Variants in AMPH observed in about 807,000 individuals in gnomAD.
AMPH encodes the protein amphiphysin (Stiff-Mann syndrome with breast cancer 128kD autoantigen).
AMPH carries 49 observed loss-of-function variants against 99.1 expected under a neutral mutation model. The observed-to-expected ratio is 0.49, with a 90% confidence interval of 0.39 to 0.63. AMPH has a LOEUF of 0.63. AMPH is among the 20% of genes least tolerant of loss of function. The pLI is 0.00. For synonymous variants in AMPH, 314 were observed against 317.3 expected, an observed-to-expected ratio of 0.99 and a Z score of 0.11; for missense variants, 759 against 863.4, an observed-to-expected ratio of 0.88 and a Z score of 1.52.
chr7:38,525,556 T>C (rs1361555869), intron 2 of AMPH, among the ~76,000 whole-genome samples: 1 of 151,602 alleles, frequency 6.6e-6, no homozygotes, highest in East Asian at 1.9e-4. Flanking sequence ...AACTTTCCAG[T>C]CAGGACAAGA....
At chr7:38,386,839 A>C (rs941813628) in intron 20 of AMPH, among the ~76,000 whole-genome samples, 2 of 152,186 alleles carry the variant, frequency 1.3e-5, no homozygotes, top group African/African-American at 4.8e-5. Context: ...AAAGTAGAGA[A>C]CTGCAAGGGG....
intron 7 of AMPH, among the ~76,000 whole-genome samples, chr7:38,473,599 G>A (rs2129013498): frequency 9.5e-6 from 1 of 105,292 alleles, no homozygotes; most frequent in South Asian, 4.0e-4. Flanking sequence ...AGCTACTCGG[G>A]AGGCTGAGGC....
intron 17 of AMPH, among the ~76,000 whole-genome samples, chr7:38,409,830 T>C (rs1785162583): frequency 6.6e-6 from 1 of 152,212 alleles, no homozygotes. Context: ...TTTGGTTAAT[T>C]TGGCCTTTAA....
intron 3 of AMPH, among the ~76,000 whole-genome samples, chr7:38,497,064 C>T (rs1446124627): frequency 7.9e-5 from 12 of 152,230 alleles, no homozygotes; most frequent in African/African-American, 2.9e-4. Flanking sequence ...GGTGATGGAT[C>T]ATTTGGACAG....
chr7:38,562,904 C>G (rs564578187), intron 1 of AMPH, among the ~76,000 whole-genome samples: 2 of 152,302 alleles, frequency 1.3e-5, no homozygotes, highest in South Asian at 2.1e-4. Flanking sequence ...GTCTCAGATA[C>G]AGCTTACCTG....
In AMPH at chr7:38,547,916, C is replaced by T. The variant is rs561348928; in HGVS notation, c.70-12905G>A. 3.3e-5 allele frequency among the ~76,000 whole-genome samples: 5 copies of T among 152,082 alleles called. No individual in the cohort carries two copies. In the East Asian group the frequency reaches 7.7e-4, roughly 24 times the overall value. ...TTACGCCTTCACTGGCTTAGTGAAACAATAGGGCAGTGGAAGCAACCAGAT... is the reference window on the plus strand; with the variant it reads ...TTACGCCTTCACTGGCTTAGTGAAATAATAGGGCAGTGGAAGCAACCAGAT... On this transcript the variant is annotated intron_variant, in intron 1 of 20. Transcript: ENST00000356264.
chr7:38,575,480 T>C (rs1792204368), intron 1 of AMPH, among the ~76,000 whole-genome samples: 1 of 152,138 alleles, frequency 6.6e-6, no homozygotes, highest in African/African-American at 2.4e-5. Flanking sequence ...GGGAGGTGAT[T>C]ACATCATGGG....
chr7:38,421,084 C>T, intron 16 of AMPH: 1 of 456,446 alleles, frequency 2.2e-6, no homozygotes, highest in South Asian at 1.5e-5. Context: ...CTAAGTTCCC[C>T]ATGGAAAGAA....
intron 2 of AMPH, among the ~76,000 whole-genome samples, chr7:38,514,176 A>G (rs371637967): frequency 9.8e-5 from 15 of 152,318 alleles, no homozygotes; most frequent in African/African-American, 3.4e-4. Context: ...TAAGATCCAC[A>G]ATGGCAACGA....
chr7:38,449,666 A>G (rs1786930567), intron 11 of AMPH, among the ~76,000 whole-genome samples: 1 of 152,226 alleles, frequency 6.6e-6, no homozygotes, highest in Admixed American at 6.5e-5. Context: ...AGGGCAATGA[A>G]CTGACTAAAT....
At chr7:38,608,846 C>A (rs2129064504) in intron 1 of AMPH, among the ~76,000 whole-genome samples, 1 of 152,234 alleles carries the variant, frequency 6.6e-6, no homozygotes, top group Admixed American at 6.5e-5. Flanking sequence ...CTAGGCAAGC[C>A]CACATTAGGA....
intron 1 of AMPH, among the ~76,000 whole-genome samples, chr7:38,605,879 A>G (rs1477582156): frequency 6.6e-6 from 1 of 152,150 alleles, no homozygotes; most frequent in African/African-American, 2.4e-5. Context: ...CCTGGCCTTT[A>G]TAATGTTATT....
intron 17 of AMPH, among the ~76,000 whole-genome samples, chr7:38,396,204 C>T (rs1584034831): frequency 7.4e-6 from 1 of 135,160 alleles, no homozygotes; most frequent in Non-Finnish European, 1.7e-5. Flanking sequence ...TCTTGTAGGT[C>T]CCATAATTCC....
intron 1 of AMPH, among the ~76,000 whole-genome samples, chr7:38,619,145 T>TG (rs1793969510): frequency 6.6e-6 from 1 of 152,170 alleles, no homozygotes. Context: ...TGAGTTATGA[T>TG]CGTGCCTGTA....
chr7:38,437,137 T>TA lies in AMPH; in HGVS notation c.1018-750dup. ...GATAATACAAAAAAATCTATAATAC[T>TA]AAACATTATCATTTGTTCATTTATT... On this transcript the variant is annotated intron_variant, in intron 11 of 20. Transcript: ENST00000356264. 4.6e-5 allele frequency among the ~76,000 whole-genome samples: 7 copies of TA among 152,286 alleles called. 2 individuals are homozygous for TA. Among genetic ancestry groups the TA allele is most frequent in the Admixed American group, 4.6e-4 (7 of 15,302 alleles).
chr7:38,447,010 G>T (rs1786810778), intron 11 of AMPH, among the ~76,000 whole-genome samples: 1 of 150,822 alleles, frequency 6.6e-6, no homozygotes, highest in Admixed American at 6.6e-5. Context: ...ATACATTTTG[G>T]TTACTATTTT....
At chr7:38,424,172 A>C (rs1442013866) in intron 15 of AMPH, among the ~76,000 whole-genome samples, 1 of 152,222 alleles carries the variant, frequency 6.6e-6, no homozygotes, top group Non-Finnish European at 1.5e-5. Flanking sequence ...AGAAAAGATA[A>C]GCCAGAAAGT....
In AMPH at chr7:38,476,894, A is replaced by G. The variant is rs1375730206; in HGVS notation, c.472T>C (p.Ser158Pro). 1.9e-6 allele frequency: 3 copies of G among 1,613,496 alleles called. No homozygotes were observed. Among genetic ancestry groups the G allele is most frequent in the South Asian group, 1.1e-5 (1 of 91,038 alleles). The change falls in exon 6 of 21, where the codon TCC becomes CCC. Residue 158 changes from serine to proline, a missense_variant. This residue lies in a region of AMPH where 205 missense variants were observed against 287.9 expected (regional missense o/e 0.71). Transcript: ENST00000356264. ...ATTCGACTCTCATCCTTCCTCTTGG[A>G]GCTCTGCAGAGCTTCCAGATGGTGG... is the stretch of plus-strand genomic sequence containing the variant. ...ARHHLEALQS[S>P]KRKDESRISK...
At chr7:38,586,204 A>C (rs1231735408) in intron 1 of AMPH, among the ~76,000 whole-genome samples, 1 of 152,168 alleles carries the variant, frequency 6.6e-6, no homozygotes, top group Non-Finnish European at 1.5e-5. Flanking sequence ...TTTCCAACGA[A>C]CACGTAAGTA....
Sources: allele counts gnomAD v4.1 joint callset (sites outside exome capture counted in the v4.1 genomes callset), GRCh38; gene constraint gnomAD v4.1.1; regional missense constraint gnomAD v4.1.1; transcripts MANE v1.5; gene names NCBI Gene and HGNC (gene_info 2026-07-23, HGNC 2026-07-21).